The following KCNH7 variants were observed in gnomAD, a reference collection of about 807,000 sequenced individuals.
KCNH7 encodes the protein voltage-gated inwardly rectifying potassium channel KCNH7.
Under a neutral mutation model 120.8 loss-of-function variants are expected in KCNH7, and 49 were observed. The observed-to-expected ratio is 0.41, with a 90% confidence interval of 0.32 to 0.51. The LOEUF is 0.51. Ranked by LOEUF, KCNH7 falls within the 20% of genes least tolerant of loss-of-function variation. The probability of loss-of-function intolerance (pLI) is 0.38; values close to 1 mark genes in which losing one functional copy is unlikely to be tolerated. For missense variants in KCNH7, 1,097 were observed against 1,446.6 expected, an observed-to-expected ratio of 0.76 and a Z score of 3.92; for synonymous variants, 547 against 516.1, an observed-to-expected ratio of 1.06 and a Z score of -0.81.
At chr2:162,584,902 T>A (rs986879721) in intron 2 of KCNH7, among the ~76,000 whole-genome samples, 3 of 99,738 alleles carry the variant, frequency 3.0e-5, no homozygotes, top group Non-Finnish European at 5.8e-5. Flanking sequence ...AATCCCCAGC[T>A]TTTTTTTTTT....
intron 11 of KCNH7, among the ~76,000 whole-genome samples, chr2:162,394,827 A>G (rs1309845245): frequency 6.6e-6 from 1 of 151,910 alleles, no homozygotes; most frequent in Non-Finnish European, 1.5e-5. Context: ...AGAATAATAC[A>G]GTTGACCCTT....
At chr2:162,800,886 T>C (rs537913405) in intron 2 of KCNH7, among the ~76,000 whole-genome samples, 1 of 151,992 alleles carries the variant, frequency 6.6e-6, no homozygotes, top group East Asian at 1.9e-4. Flanking sequence ...CATAGTTTTT[T>C]TATTGGGTGT....
chr2:162,632,496 T>C (rs959982416), intron 2 of KCNH7, among the ~76,000 whole-genome samples: 2 of 151,886 alleles, frequency 1.3e-5, no homozygotes, highest in South Asian at 2.1e-4. Flanking sequence ...ATTATATTTA[T>C]AGAACCTGAT....
chr2:162,594,758 A>G (rs1248311735), intron 2 of KCNH7, among the ~76,000 whole-genome samples: 1 of 152,038 alleles, frequency 6.6e-6, no homozygotes, highest in African/African-American at 2.4e-5. Context: ...TAATCTAGAG[A>G]TGATTTAAAG....
chr2:162,376,512 C>T (rs1425600982), intron 14 of KCNH7, among the ~76,000 whole-genome samples: 1 of 151,866 alleles, frequency 6.6e-6, no homozygotes, highest in Non-Finnish European at 1.5e-5. Context: ...TTACAGGCGC[C>T]CGCCACCACT....
In KCNH7 at chr2:162,389,475, C is replaced by T. The variant is rs145711210; in HGVS notation, c.2711-4536G>A. The stretch of plus-strand genomic sequence containing the variant: ...TTCTTTATGCTTTTGGAAAAGGAAG[C>T]AGGAAAAGGTATAGAGAAGGGATAT... On this transcript the variant is annotated intron_variant, in intron 12 of 15. Transcript: ENST00000332142. Among the ~76,000 whole-genome samples, 396 of 152,014 alleles carry T rather than the reference C, an allele frequency of 2.6e-3. 7 individuals carry two copies. Among genetic ancestry groups the T allele is most frequent in the African/African-American group, 9.0e-3 (373 of 41,500 alleles).
At chr2:162,766,227 G>A (rs200954732) in intron 2 of KCNH7, among the ~76,000 whole-genome samples, 1 of 151,998 alleles carries the variant, frequency 6.6e-6, no homozygotes, top group Non-Finnish European at 1.5e-5. Flanking sequence ...GAAATTACCC[G>A]TGCCCCTTAT....
chr2:162,800,426 A>C (rs905453195), intron 2 of KCNH7, among the ~76,000 whole-genome samples: 11 of 151,628 alleles, frequency 7.3e-5, no homozygotes, highest in African/African-American at 2.4e-4. Context: ...TATTGAGTAT[A>C]CTATTATCAC....
intron 9 of KCNH7, among the ~76,000 whole-genome samples, chr2:162,411,579 G>A (rs1687393380): frequency 6.6e-6 from 1 of 151,734 alleles, no homozygotes; most frequent in South Asian, 2.1e-4. Context: ...TAACAAACCT[G>A]CATAGGTACC....
Position 162,423,612 on chromosome 2 carries a change from T to G in KCNH7, c.1955-77A>C, listed in dbSNP as rs374925333. 1.4e-5 allele frequency: 18 copies of G among 1,305,540 alleles called. No homozygotes were observed. The African/African-American group carries it at 2.5e-4, about 18-fold the overall frequency. 80.9% of individuals were successfully genotyped at this position (1,305,540 alleles called of 1,614,324 possible). A position where few individuals can be genotyped will look rare whatever the true frequency, so the allele number is the denominator to read the frequency against. ...ATATATTGTTAGAGTATCAAGCATGTGGATTTTGATTATCTCAATCTAGTG... is the reference window on the plus strand; with the variant it reads ...ATATATTGTTAGAGTATCAAGCATGGGGATTTTGATTATCTCAATCTAGTG... On this transcript the variant is annotated intron_variant, in intron 8 of 15. Transcript: ENST00000332142.
intron 2 of KCNH7, among the ~76,000 whole-genome samples, chr2:162,721,981 A>T (rs1687337011): frequency 6.6e-6 from 1 of 152,072 alleles, no homozygotes; most frequent in African/African-American, 2.4e-5. Context: ...AATATTGAAC[A>T]CTTTTGTTTT....
intron 6 of KCNH7, among the ~76,000 whole-genome samples, chr2:162,460,520 C>A (rs940605818): frequency 6.6e-6 from 1 of 152,096 alleles, no homozygotes; most frequent in Non-Finnish European, 1.5e-5. Flanking sequence ...AATACAGAGA[C>A]AGAAACCCAG....
intron 9 of KCNH7, among the ~76,000 whole-genome samples, chr2:162,421,365 T>C (rs989001388): frequency 2.6e-5 from 4 of 152,148 alleles, no homozygotes; most frequent in African/African-American, 9.7e-5. Context: ...GAAGTGAATT[T>C]TTATGGGGAC....
At chr2:162,589,433 A>T (rs1481101021) in intron 2 of KCNH7, among the ~76,000 whole-genome samples, 1 of 151,996 alleles carries the variant, frequency 6.6e-6, no homozygotes, top group East Asian at 1.9e-4. Context: ...CATTATCAGG[A>T]TTAGTGAATT....
chr2:162,797,149 G>A (rs2105532892), intron 2 of KCNH7: 1 of 152,172 alleles, frequency 6.6e-6, no homozygotes, highest in African/African-American at 2.4e-5. Flanking sequence ...TGTCTCTCGT[G>A]TCTTATGGCC....
chr2:162,442,670 C>A (rs981673437), intron 7 of KCNH7, among the ~76,000 whole-genome samples: 5 of 151,952 alleles, frequency 3.3e-5, no homozygotes, highest in Non-Finnish European at 7.4e-5. Context: ...TCAGCCTGGA[C>A]AACATAGTGA....
chr2:162,594,312 C>T (rs2105939036), intron 2 of KCNH7, among the ~76,000 whole-genome samples: 1 of 152,106 alleles, frequency 6.6e-6, no homozygotes, highest in South Asian at 2.1e-4. Context: ...TTCTCTCTCT[C>T]TCATTTCCTA....
chr2:162,736,339 C>G (rs565783303), intron 2 of KCNH7, among the ~76,000 whole-genome samples: 53 of 152,274 alleles, frequency 3.5e-4, no homozygotes, highest in African/African-American at 1.3e-3. Flanking sequence ...ATTTTAAGAA[C>G]TCTAAATTTT....
At chr2:162,407,110 T>C (rs1260744121) in intron 9 of KCNH7, among the ~76,000 whole-genome samples, 2 of 152,068 alleles carry the variant, frequency 1.3e-5, no homozygotes, top group Non-Finnish European at 2.9e-5. Flanking sequence ...AAGGCCAGAT[T>C]GTTGTCAAAG....
Sources: allele counts gnomAD v4.1 joint callset (sites outside exome capture counted in the v4.1 genomes callset), GRCh38; gene constraint gnomAD v4.1.1; transcripts MANE v1.5; gene names NCBI Gene and HGNC (gene_info 2026-07-23, HGNC 2026-07-21).